PRAG1: variants seen among roughly 807,000 people sequenced by gnomAD.
PRAG1 encodes the protein inactive tyrosine-protein kinase PRAG1.
PRAG1 carries 110 observed loss-of-function variants against 95.6 expected under a neutral mutation model. That is an observed-to-expected ratio of 1.15 (90% CI 0.99 to 1.35). PRAG1 has a LOEUF of 1.35. Among genes scored for constraint, PRAG1 ranks in the 40% most tolerant of loss-of-function variants. The probability of loss-of-function intolerance (pLI) is 0.00; values close to 1 mark genes in which losing one functional copy is unlikely to be tolerated. For missense variants in PRAG1, 2,554 were observed against 1,864.7 expected, an observed-to-expected ratio of 1.37 and a Z score of -6.81; for synonymous variants, 1,052 against 819.4, an observed-to-expected ratio of 1.28 and a Z score of -4.85.
intron 3 of PRAG1, among the ~76,000 whole-genome samples, chr8:8,350,376 C>T (rs545540434): frequency 6.6e-6 from 1 of 152,320 alleles, no homozygotes; most frequent in East Asian, 1.9e-4. Context: ...CTAAAATGAT[C>T]ACCTAAGAAC....
At chr8:8,361,670 A>G (rs1585258615) in intron 3 of PRAG1, among the ~76,000 whole-genome samples, 2 of 152,364 alleles carry the variant, frequency 1.3e-5, no homozygotes, top group East Asian at 1.9e-4. Context: ...AGGTTCGAGC[A>G]GCCCATCTTT....
chr8:8,330,054 G>A (rs956992035), intron 4 of PRAG1, among the ~76,000 whole-genome samples: 2 of 152,130 alleles, frequency 1.3e-5, no homozygotes, highest in African/African-American at 2.4e-5. Flanking sequence ...ATCCTCCTTG[G>A]CTCTATCATC....
At chr8:8,334,513 G>T (rs1429538132) in intron 4 of PRAG1, among the ~76,000 whole-genome samples, 4 of 151,944 alleles carry the variant, frequency 2.6e-5, no homozygotes, top group South Asian at 2.1e-4. Context: ...CTGGAAGCAG[G>T]TTATTAGCAT....
intron 3 of PRAG1, among the ~76,000 whole-genome samples, chr8:8,358,996 A>C (rs1406877944): frequency 6.6e-6 from 1 of 152,252 alleles, no homozygotes; most frequent in African/African-American, 2.4e-5. Flanking sequence ...CTCATATTGT[A>C]GTTAAAGTAT....
At chr8:8,321,826 G>A (rs1798479765) in intron 5 of PRAG1, among the ~76,000 whole-genome samples, 1 of 152,196 alleles carries the variant, frequency 6.6e-6, no homozygotes, top group Non-Finnish European at 1.5e-5. Flanking sequence ...CAGGAGTTAT[G>A]TTCTGTGAAG....
chr8:8,352,299 T>A (rs1461393556), intron 3 of PRAG1, among the ~76,000 whole-genome samples: 1 of 152,160 alleles, frequency 6.6e-6, no homozygotes, highest in East Asian at 1.9e-4. Context: ...TCTCAACAGG[T>A]CCAGCTCTCT....
chr8:8,343,883 T>G (rs1369855522), intron 3 of PRAG1, among the ~76,000 whole-genome samples: 2 of 152,230 alleles, frequency 1.3e-5, no homozygotes, highest in Non-Finnish European at 2.9e-5. Context: ...GCCATATATG[T>G]AATTTTAAGT....
intron 5 of PRAG1, among the ~76,000 whole-genome samples, chr8:8,324,963 A>G (rs1280614740): frequency 6.6e-6 from 1 of 152,190 alleles, no homozygotes; most frequent in Non-Finnish European, 1.5e-5. Flanking sequence ...AGTAGGTTCC[A>G]GCATCAGCAA....
At chr8:8,323,469 C>T (rs926770918) in intron 5 of PRAG1, among the ~76,000 whole-genome samples, 17 of 152,234 alleles carry the variant, frequency 1.1e-4, no homozygotes, top group African/African-American at 3.9e-4. Flanking sequence ...AGGTGCCTAC[C>T]ACCACACCTG....
intron 3 of PRAG1, among the ~76,000 whole-genome samples, chr8:8,365,690 C>T (rs1278177680): frequency 1.3e-5 from 2 of 149,014 alleles, no homozygotes; most frequent in African/African-American, 5.0e-5. Flanking sequence ...GGGCTGAGTG[C>T]AGTGACTCAC....
chr8:8,336,533 G>A (rs1798989066), intron 4 of PRAG1, among the ~76,000 whole-genome samples: 1 of 152,206 alleles, frequency 6.6e-6, no homozygotes, highest in Non-Finnish European at 1.5e-5. Flanking sequence ...GATAACAGAT[G>A]CACTGGAGGA....
rs1433383138 is a variant in PRAG1 at position 8,377,541 on chromosome 8, C to T, written c.868G>A (p.Glu290Lys). 6 of 1,593,042 alleles carry T rather than the reference C, an allele frequency of 3.8e-6. No homozygotes were observed. The highest frequency in any genetic ancestry group is 1.3e-5 in the African/African-American group (1 of 74,632). The change falls in exon 3 of 6, where the codon GAG (glutamate) becomes AAG (lysine). Residue 290 changes from glutamate (E) to lysine (K), a missense_variant. Transcript: ENST00000615670. ...GGRDCSPTCW[E>K]QGKCSGPAEQ... ...GCGGGCCCGGAACACTTCCCCTGCT[C>T]CCAGCACGTGGGTGAGCAGTCCCTG...
rs150115315 is a variant in PRAG1 at position 8,374,569 on chromosome 8, A to C, written c.2162+1678T>G. 272 of 804,966 alleles carry C rather than the reference A, an allele frequency of 3.4e-4. 1 individual carries two copies. The African/African-American group carries it at 4.2e-3, about 13-fold the overall frequency. 49.9% of individuals were successfully genotyped at this position (804,966 alleles called of 1,614,324 possible). On this transcript the variant is annotated intron_variant, in intron 3 of 5. Transcript: ENST00000615670. ...ATTCCTACCTCTTAGGGCTGTTCTG[A>C]GGATGAAATGAGTTGTTATGTCTAA...
rs143212666 is a variant in PRAG1, at chr8:8,381,280, G to A, written c.330+138C>T. 27 of 740,158 alleles carry A rather than the reference G, an allele frequency of 3.6e-5. No homozygotes were observed. The East Asian group carries it at 6.5e-4, about 18-fold the overall frequency. 45.8% of individuals were successfully genotyped at this position (740,158 alleles called of 1,614,324 possible). ...CAGCTACAGCGAATCCCAGGCAGGA[G>A]CCATCTCAGGGCAAACTGACAGGAA... On this transcript the variant is annotated intron_variant, in intron 2 of 5. Transcript: ENST00000615670.
chr8:8,359,885 G>A (rs1799793700), intron 3 of PRAG1, among the ~76,000 whole-genome samples: 7 of 152,154 alleles, frequency 4.6e-5, no homozygotes, highest in Non-Finnish European at 1.5e-5. Context: ...ATTGGTTCCT[G>A]CTTCAGGAAT....
Position 8,318,885 on chromosome 8 carries a change from G to A in PRAG1, c.3490C>T (p.Pro1164Ser). The change falls in exon 6 of 6, where the codon CCC becomes TCC. Residue 1164 changes from proline (P) to serine (S), a missense_variant. By Grantham distance (74) the Pro-to-Ser change is moderately conservative (BLOSUM62 -1). Transcript: ENST00000615670. This position sits in a 1 kb window ranked among gnomAD's most constrained non-coding sequence, Gnocchi z 4.2. ...GGAGCCGGGGCGGGGGCGGGGGCGG[G>A]CCCGGGGCCGGCCTGGAGGGTGCAG... ...VHCTLQAGPG[P>S]APAPAPAPAP... 1 of 1,353,844 alleles carries A rather than the reference G, an allele frequency of 7.4e-7. No individual in the cohort carries two copies. 83.9% of individuals were successfully genotyped at this position (1,353,844 alleles called of 1,614,324 possible).
At chr8:8,355,090 C>T (rs56248626) in intron 3 of PRAG1, among the ~76,000 whole-genome samples, 6,929 of 151,890 alleles carry the variant, frequency 0.046, 248 homozygotes, top group African/African-American at 0.098. Flanking sequence ...AGAAGATCTA[C>T]ACACAAAAAC....
At chr8:8,347,606 T>C (rs933528388) in intron 3 of PRAG1, among the ~76,000 whole-genome samples, 2 of 152,226 alleles carry the variant, frequency 1.3e-5, no homozygotes, top group African/African-American at 4.8e-5. Context: ...ACTTATCATA[T>C]GCCTGTGTTA....
At chr8:8,349,366 T>C (rs1442832280) in intron 3 of PRAG1, among the ~76,000 whole-genome samples, 3 of 152,048 alleles carry the variant, frequency 2.0e-5, no homozygotes, top group South Asian at 4.1e-4. Context: ...CTGCAAGATC[T>C]GCCTCCCGGG....
Sources: gnomAD v4.1 joint callset for allele counts (sites outside exome capture counted in the v4.1 genomes callset) on GRCh38, gnomAD v4.1.1 for gene constraint, Gnocchi (gnomAD v3.1) non-coding constraint, MANE v1.5 for transcripts, NCBI Gene and HGNC (gene_info 2026-07-23, HGNC 2026-07-21) for gene names.